The following COL6A6 variants were observed in gnomAD, a reference collection of about 807,000 sequenced individuals.
The protein encoded by COL6A6 is collagen type VI alpha 6 chain.
In COL6A6, 183 loss-of-function variants were observed where a neutral mutation model predicts 208.6. The ratio of observed to expected loss-of-function variants is 0.88; its 90% confidence interval spans 0.78 to 0.99. The LOEUF (loss-of-function observed/expected upper bound fraction) is 0.99. COL6A6 is among the 50% of genes least tolerant of loss of function. The pLI, the probability that COL6A6 is intolerant of heterozygous loss-of-function variation, is 0.00. For missense variants in COL6A6, 2,816 were observed against 2,815.2 expected, an observed-to-expected ratio of 1.00 and a Z score of -0.01; for synonymous variants, 973 against 1,011.8, an observed-to-expected ratio of 0.96 and a Z score of 0.73.
At chr3:130,523,990 T>C (rs982518375) in intron 1 of COL6A6, among the ~76,000 whole-genome samples, 1 of 152,174 alleles carries the variant, frequency 6.6e-6, no homozygotes, top group Admixed American at 6.5e-5. Flanking sequence ...TCCCCGCTCC[T>C]CCGTGGTTTT....
At chr3:130,570,709 G>C (rs1443806499) in intron 6 of COL6A6, 109 bp from the exon 7 acceptor site, 3 of 780,374 alleles carry the variant, frequency 3.8e-6, no homozygotes, top group Non-Finnish European at 6.2e-6. Flanking sequence ...CTAATGCACA[G>C]CATGATCCCC....
At position 130,593,058 on chromosome 3, in the gene COL6A6, C is replaced by A. The variant is rs778386989; in HGVS notation, c.4372-3C>A. ...TCTGTTCTAATCATATCTATCTTTT[C>A]AGGGAGAAGTTGGGGAAAATGGAAT... is the stretch of plus-strand genomic sequence containing the variant. On this transcript the variant is annotated splice_region_variant and splice_polypyrimidine_tract_variant and intron_variant, in intron 15 of 36. Coordinates refer to ENST00000358511, the MANE Select transcript of COL6A6 (RefSeq NM_001102608.3). The A allele has an allele frequency of 2.1e-5, 34 of 1,612,894 alleles. No individual in the cohort carries two copies. The highest frequency in any genetic ancestry group is 2.6e-5 in the Non-Finnish European group (31 of 1,179,060).
intron 1 of COL6A6, among the ~76,000 whole-genome samples, chr3:130,522,226 G>A (rs1711115444): frequency 6.6e-6 from 1 of 152,134 alleles, no homozygotes; most frequent in Non-Finnish European, 1.5e-5. Context: ...TTTCATTGGT[G>A]TCTTGGTGTC....
rs761826370 is a variant in COL6A6 at position 130,621,789 on chromosome 3, G to C, written c.4816-32G>C. ...TTGAAGAAAAGTTGCTTTATGTTTTGCTATATTTGCAAACCCCTTGTTTTG... is the reference window on the plus strand; with the variant it reads ...TTGAAGAAAAGTTGCTTTATGTTTTCCTATATTTGCAAACCCCTTGTTTTG... On this transcript the variant is annotated intron_variant, in intron 23 of 36. Coordinates refer to ENST00000358511, the MANE Select transcript of COL6A6 (RefSeq NM_001102608.3). 1.3e-5 allele frequency: 21 copies of C among 1,597,172 alleles called. No individual in the cohort carries two copies. In the African/African-American group the frequency reaches 2.4e-4, roughly 18 times the overall value.
chr3:130,605,064 C>T (rs2064143623), intron 20 of COL6A6, among the ~76,000 whole-genome samples: 1 of 152,206 alleles, frequency 6.6e-6, no homozygotes, highest in Non-Finnish European at 1.5e-5. Context: ...GGCCTTACTG[C>T]TGCTACCAAA....
At chr3:130,545,814 C>CT (rs930877189) in intron 1 of COL6A6, among the ~76,000 whole-genome samples, 1 of 152,140 alleles carries the variant, frequency 6.6e-6, no homozygotes, top group Non-Finnish European at 1.5e-5. Context: ...CGTTGGTGTA[C>CT]TTTTTTGGCA....
chr3:130,584,463 A>G (rs2063490702), intron 10 of COL6A6, among the ~76,000 whole-genome samples: 1 of 152,084 alleles, frequency 6.6e-6, no homozygotes, highest in Non-Finnish European at 1.5e-5. Context: ...TTCTCATTCT[A>G]GAAGAATGAC....
At chr3:130,549,870 T>C (rs1319700562) in intron 1 of COL6A6, among the ~76,000 whole-genome samples, 1 of 152,220 alleles carries the variant, frequency 6.6e-6, no homozygotes, top group Non-Finnish European at 1.5e-5. Flanking sequence ...TAGGCTCTTT[T>C]TTGGTTCCAT....
intron 31 of COL6A6, among the ~76,000 whole-genome samples, chr3:130,644,220 C>T (rs1288216180): frequency 6.6e-6 from 1 of 152,166 alleles, no homozygotes; most frequent in Non-Finnish European, 1.5e-5. Flanking sequence ...GGCTAGGGTT[C>T]CTGCCAGGAA....
chr3:130,569,681 G>A (rs1259923301), intron 6 of COL6A6, among the ~76,000 whole-genome samples: 1 of 152,152 alleles, frequency 6.6e-6, no homozygotes, highest in Non-Finnish European at 1.5e-5. Flanking sequence ...TTTCTGAAGC[G>A]TTCTGACACT....
rs1350833502 is a variant in COL6A6 at position 130,547,562 on chromosome 3, G to A, written c.-31-12772G>A. On this transcript the variant is annotated intron_variant, in intron 1 of 36. Coordinates refer to ENST00000358511, the MANE Select transcript of COL6A6 (RefSeq NM_001102608.3). Reference sequence around the variant, plus strand: ...CTCAAGCGTGGCCAGAGCAGATGCCGAGGCCGAGGAGGGGCTGAGAACGAG... The same window carrying A: ...CTCAAGCGTGGCCAGAGCAGATGCCAAGGCCGAGGAGGGGCTGAGAACGAG... Among the ~76,000 whole-genome samples, 3 of 152,240 alleles carry A rather than the reference G, an allele frequency of 2.0e-5. No homozygotes were observed. The South Asian group carries it at 6.2e-4, about 31-fold the overall frequency.
At chr3:130,616,715 G>A (rs1312351426) in intron 23 of COL6A6, among the ~76,000 whole-genome samples, 3 of 152,076 alleles carry the variant, frequency 2.0e-5, no homozygotes, top group East Asian at 3.9e-4. Flanking sequence ...TTTGGAGTCC[G>A]GAGTAGAATT....
At position 130,581,611 on chromosome 3, in the gene COL6A6, G is replaced by T. The variant is rs368538229; in HGVS notation, c.3598G>T (p.Gly1200Trp). ...VGFDVSTQEK[G>W]QTLLEGQPWM... ...ATTTGATGTCTCAACTCAGGAGAAA[G>T]GGCAGACTTTGCTTGAAGGTCAGCC... The change falls in exon 9 of 37, where the codon GGG becomes TGG. Residue 1200 changes from glycine (G) to tryptophan (W), a missense_variant. Transcript: ENST00000358511. 1.2e-6 allele frequency: 2 copies of T among 1,613,762 alleles called. No homozygotes were observed. The highest frequency in any genetic ancestry group is 2.2e-5 in the South Asian group (2 of 91,044).
At position 130,658,693 on chromosome 3, in the gene COL6A6, A is replaced by T; in HGVS notation, c.5751A>T (p.Thr1917=). 1 of 1,612,734 alleles carries T rather than the reference A, an allele frequency of 6.2e-7. No homozygotes were observed. Among genetic ancestry groups the T allele is most frequent in the African/African-American group, 1.3e-5 (1 of 75,026 alleles). Residue 1917 remains threonine (T), a synonymous_variant, in exon 34 of 37, where the codon ACA becomes ACT. Coordinates refer to ENST00000358511, the MANE Select transcript of COL6A6 (RefSeq NM_001102608.3). ...RRAFAIDDTG[T]FQVIVVPSGA... ...TCTTTTAGATTGACGACACTGGCACATTTCAAGTAATAGTGGTTCCCTCCG... is the reference window on the plus strand; with the variant it reads ...TCTTTTAGATTGACGACACTGGCACTTTTCAAGTAATAGTGGTTCCCTCCG...
intron 10 of COL6A6, among the ~76,000 whole-genome samples, chr3:130,585,909 G>A (rs1326280634): frequency 2.0e-5 from 3 of 152,206 alleles, no homozygotes; most frequent in Non-Finnish European, 4.4e-5. Flanking sequence ...GGTGATGCCA[G>A]TGCTGCTGCT....
rs2063762932 is a variant in COL6A6, at chr3:130,593,185, T to G, written c.4417-14T>G. ...CGAGAATTCTATTAATAGCTTTCCC[T>G]TCTTGTTTTTTAGGGTGATAATGGT... On this transcript the variant is annotated splice_polypyrimidine_tract_variant and intron_variant, in intron 16 of 36. Transcript: ENST00000358511. The G allele has an allele frequency of 1.9e-6, 3 of 1,612,932 alleles. No individual in the cohort carries two copies. The highest frequency in any genetic ancestry group is 1.7e-5 in the Admixed American group (1 of 60,014).
At chr3:130,566,113 GAC>G (rs575435391) in intron 4 of COL6A6, among the ~76,000 whole-genome samples, 381 of 152,294 alleles carry the variant, frequency 2.5e-3, no homozygotes, top group African/African-American at 8.6e-3. Context: ...CAGGGACAGA[GAC>G]AGAGGGTGAT....
At chr3:130,583,201 T>TG (rs1360416035) in intron 10 of COL6A6, among the ~76,000 whole-genome samples, 1 of 152,224 alleles carries the variant, frequency 6.6e-6, no homozygotes, top group African/African-American at 2.4e-5. Flanking sequence ...TTCAACAAAT[T>TG]GCAAAATTAT....
chr3:130,574,299 G>C lies in COL6A6; in HGVS notation c.3321G>C (p.Leu1107=). 1.9e-6 allele frequency: 3 copies of C among 1,613,982 alleles called. No individual in the cohort carries two copies. Among genetic ancestry groups the C allele is most frequent in the Non-Finnish European group, 1.7e-6 (2 of 1,179,896 alleles). ...ATACAGGTACCCCACAGGTGCTGCT[G>C]GTCCTTACAGATGGCCAGTCCCAAG... The part of the protein sequence containing the change: ...RINTGTPQVL[L]VLTDGQSQDE... Residue 1107 remains leucine, a synonymous_variant, in exon 8 of 37, where the codon CTG becomes CTC. Coordinates refer to ENST00000358511, the MANE Select transcript of COL6A6 (RefSeq NM_001102608.3).
Sources: allele counts gnomAD v4.1 joint callset (sites outside exome capture counted in the v4.1 genomes callset), GRCh38; gene constraint gnomAD v4.1.1; transcripts MANE v1.5; gene names NCBI Gene and HGNC (gene_info 2026-07-23, HGNC 2026-07-21).